ZBTB7C: variants seen among roughly 807,000 people sequenced by gnomAD.
ZBTB7C encodes the protein zinc finger and BTB domain-containing protein 7C.
ZBTB7C carries 8 observed loss-of-function variants against 25.7 expected under a neutral mutation model. The ratio of observed to expected loss-of-function variants is 0.31; its 90% CI spans 0.18 to 0.56. The LOEUF (loss-of-function observed/expected upper bound fraction) is 0.56. ZBTB7C is among the 20% of genes least tolerant of loss of function. The pLI is 0.91. For missense variants in ZBTB7C, 824 were observed against 855.2 expected, an observed-to-expected ratio of 0.96 and a Z score of 0.46; for synonymous variants, 394 against 369.0, an observed-to-expected ratio of 1.07 and a Z score of -0.78.
At chr18:48,178,541 T>C (rs1436590736) in intron 3 of ZBTB7C, among the ~76,000 whole-genome samples, 1 of 152,228 alleles carries the variant, frequency 6.6e-6, no homozygotes, top group East Asian at 1.9e-4. Context: ...AAACCTTTTG[T>C]TATGATCTCT....
At chr18:48,270,054 T>A (rs1335111008) in intron 2 of ZBTB7C, among the ~76,000 whole-genome samples, 1 of 152,090 alleles carries the variant, frequency 6.6e-6, no homozygotes, top group Admixed American at 6.5e-5. Flanking sequence ...AGATAACTGA[T>A]GTAACACTAT....
chr18:48,329,638 A>G (rs1302182209), intron 2 of ZBTB7C, among the ~76,000 whole-genome samples: 1 of 152,214 alleles, frequency 6.6e-6, no homozygotes, highest in Non-Finnish European at 1.5e-5. Context: ...GTGTTTGCAC[A>G]TATGAATACA....
chr18:48,035,361 T>G (rs1239192281), intron 4 of ZBTB7C, among the ~76,000 whole-genome samples: 1 of 152,220 alleles, frequency 6.6e-6, no homozygotes, highest in African/African-American at 2.4e-5. Flanking sequence ...CCTTCACTAC[T>G]GTCCCCATCA....
intron 2 of ZBTB7C, among the ~76,000 whole-genome samples, chr18:48,238,249 T>C (rs572609858): frequency 3.3e-4 from 51 of 152,358 alleles, no homozygotes; most frequent in African/African-American, 1.2e-3. Context: ...ATAAGTGTTA[T>C]GCACTTTCCT....
chr18:48,267,644 C>T (rs1568340795), intron 2 of ZBTB7C, among the ~76,000 whole-genome samples: 1 of 152,134 alleles, frequency 6.6e-6, no homozygotes, highest in South Asian at 2.1e-4. Flanking sequence ...TGTTGATATC[C>T]TAACTTCCAA....
At chr18:48,136,888 G>GCGCC (rs1222302072) in intron 3 of ZBTB7C, 3 of 866,144 alleles carry the variant, frequency 3.5e-6, no homozygotes, top group Non-Finnish European at 4.2e-6. Flanking sequence ...AATGCCCGCA[G>GCGCC]CGCTCTCCCG....
intron 1 of ZBTB7C, chr18:48,364,109 G>C (rs1241570474): frequency 6.6e-6 from 1 of 152,138 alleles, no homozygotes; most frequent in Admixed American, 6.5e-5. Flanking sequence ...TCCTGTCTAG[G>C]CCCCCTTGTG....
intron 2 of ZBTB7C, among the ~76,000 whole-genome samples, chr18:48,186,199 C>G (rs567767268): frequency 6.6e-6 from 1 of 152,132 alleles, no homozygotes; most frequent in Non-Finnish European, 1.5e-5. Flanking sequence ...CCCGTGGGCT[C>G]GGCCCACGCT....
chr18:48,199,797 A>G (rs995651043), intron 2 of ZBTB7C, among the ~76,000 whole-genome samples: 2 of 152,136 alleles, frequency 1.3e-5, no homozygotes, highest in Admixed American at 6.5e-5. Context: ...TCATTTCTCT[A>G]TGGAGGATTA....
Position 48,040,041 on chromosome 18 carries a change from C to T in ZBTB7C, c.1067G>A (p.Arg356His), listed in dbSNP as rs774061363. 8.7e-5 allele frequency: 141 copies of T among 1,613,922 alleles called. No individual in the cohort carries two copies. Among genetic ancestry groups the T allele is most frequent in the Non-Finnish European group, 1.1e-4 (131 of 1,180,004 alleles). Residue 356 changes from arginine to histidine, a missense_variant, in exon 4 of 5, where the codon CGC becomes CAC. Transcript: ENST00000590800. ...LFPPWPLVEERKLKPKASQQC... is the reference protein window; with the variant it reads ...LFPPWPLVEEHKLKPKASQQC... The stretch of plus-strand genomic sequence containing the variant: ...CTGAGAGGCCTTGGGCTTCAGCTTG[C>T]GCTCTTCTACCAGGGGCCAGGGTGG...
chr18:48,181,836 T>C (rs2041932670), intron 3 of ZBTB7C, among the ~76,000 whole-genome samples: 1 of 152,252 alleles, frequency 6.6e-6, no homozygotes, highest in South Asian at 2.1e-4. Flanking sequence ...GCATGTTAGA[T>C]GTGTCTACTA....
intron 3 of ZBTB7C, among the ~76,000 whole-genome samples, chr18:48,151,746 T>C (rs1568260146): frequency 1.3e-5 from 2 of 152,236 alleles, no homozygotes; most frequent in Non-Finnish European, 2.9e-5. Flanking sequence ...CTGCCAGCTG[T>C]GACTTCACCC....
At chr18:48,098,189 T>C (rs987319668) in intron 3 of ZBTB7C, among the ~76,000 whole-genome samples, 13 of 152,170 alleles carry the variant, frequency 8.5e-5, no homozygotes, top group African/African-American at 2.7e-4. Flanking sequence ...CTTTTGAACA[T>C]GGACTTGAAC....
chr18:48,116,040 A>G (rs1369132607), intron 3 of ZBTB7C, among the ~76,000 whole-genome samples: 3 of 152,086 alleles, frequency 2.0e-5, no homozygotes, highest in Non-Finnish European at 2.9e-5. Context: ...TATACATGCT[A>G]CAGATACTCT....
intron 3 of ZBTB7C, among the ~76,000 whole-genome samples, chr18:48,173,141 T>G (rs955039177): frequency 1.3e-5 from 2 of 152,198 alleles, no homozygotes; most frequent in Non-Finnish European, 2.9e-5. Flanking sequence ...TTGCTAATTT[T>G]CTATTCCTAC....
chr18:48,109,078 A>C (rs1040890650), intron 3 of ZBTB7C, among the ~76,000 whole-genome samples: 2 of 152,124 alleles, frequency 1.3e-5, no homozygotes, highest in Non-Finnish European at 2.9e-5. Flanking sequence ...GGAAGAGAGA[A>C]GCAAGACCAC....
chr18:48,284,434 G>T (rs1402111286), intron 2 of ZBTB7C, among the ~76,000 whole-genome samples: 2 of 142,156 alleles, frequency 1.4e-5, no homozygotes, highest in Admixed American at 1.4e-4. Flanking sequence ...GTGAGACCCT[G>T]TTAAGAAAGA....
At chr18:48,316,866 C>A (rs1454324827) in intron 2 of ZBTB7C, among the ~76,000 whole-genome samples, 1 of 152,226 alleles carries the variant, frequency 6.6e-6, no homozygotes, top group Non-Finnish European at 1.5e-5. Context: ...AGCTGCCACA[C>A]CTCTCTGGGC....
At chr18:48,083,207 T>A (rs1200510616) in intron 3 of ZBTB7C, among the ~76,000 whole-genome samples, 1 of 152,192 alleles carries the variant, frequency 6.6e-6, no homozygotes, top group Non-Finnish European at 1.5e-5. Flanking sequence ...GCTAGCGCTA[T>A]GACCTACTAG....
Sources: allele counts gnomAD v4.1 joint callset (sites outside exome capture counted in the v4.1 genomes callset), GRCh38; gene constraint gnomAD v4.1.1; transcripts MANE v1.5; gene names NCBI Gene and HGNC (gene_info 2026-07-23, HGNC 2026-07-21).